The following DEPDC1B variants were observed in gnomAD, a reference collection of about 807,000 sequenced individuals.
DEPDC1B encodes the protein DEP domain containing 1B, also known as DEP domain-containing protein 1B.
DEPDC1B carries 51 observed loss-of-function variants against 66.5 expected under a neutral mutation model. The observed-to-expected ratio is 0.77, with a 90% CI of 0.61 to 0.97. The LOEUF (loss-of-function observed/expected upper bound fraction) is 0.97. DEPDC1B is among the 50% of genes least tolerant of loss of function. DEPDC1B has a pLI of 0.00. For missense variants in DEPDC1B, 552 were observed against 637.1 expected (o/e 0.87, Z 1.44); for synonymous variants, 226 against 223.6 (o/e 1.01, Z -0.10).
intron 7 of DEPDC1B, among the ~76,000 whole-genome samples, chr5:60,615,792 T>C (rs549441388): frequency 2.0e-5 from 3 of 152,024 alleles, no homozygotes; most frequent in South Asian, 2.1e-4. Context: ...TTGAAGAGAG[T>C]AGTGGTTCTC....
intron 2 of DEPDC1B, among the ~76,000 whole-genome samples, chr5:60,652,602 TTTTA>T (rs771729935): frequency 1.3e-5 from 2 of 148,982 alleles, no homozygotes; most frequent in Admixed American, 6.7e-5. Context: ...GTAGAATCCT[TTTTA>T]TTTATTTATT....
rs540442118 is a variant in DEPDC1B at position 60,669,778 on chromosome 5, T to C, written c.314+17184A>G. Among the ~76,000 whole-genome samples the C allele has an allele frequency of 3.3e-5, 5 of 152,242 alleles. No individual in the cohort carries two copies. In the South Asian group the frequency reaches 1.0e-3, roughly 32 times the overall value. On this transcript the variant is annotated intron_variant, in intron 2 of 10. Coordinates refer to ENST00000265036, the MANE Select transcript of DEPDC1B (RefSeq NM_018369.3). Reference sequence around the variant, plus strand: ...TAAAGATTCCATTGTAAGTAAAGGATCAAGTGAGCATTTTTAAGGAGAGAG... The same window carrying C: ...TAAAGATTCCATTGTAAGTAAAGGACCAAGTGAGCATTTTTAAGGAGAGAG...
chr5:60,683,461 A>G (rs536941807), intron 2 of DEPDC1B, among the ~76,000 whole-genome samples: 7 of 152,242 alleles, frequency 4.6e-5, no homozygotes, highest in African/African-American at 1.7e-4. Flanking sequence ...AGTGAAAGAA[A>G]TAAAGATTTA....
At position 60,633,493 on chromosome 5, in the gene DEPDC1B, A is replaced by C. The variant is rs906506609; in HGVS notation, c.898+5257T>G. 4.6e-5 allele frequency among the ~76,000 whole-genome samples: 7 copies of C among 152,334 alleles called. No homozygotes were observed. In the East Asian group the frequency reaches 1.2e-3, roughly 25 times the overall value. On this transcript the variant is annotated intron_variant, in intron 7 of 10. Coordinates refer to ENST00000265036, the MANE Select transcript of DEPDC1B (RefSeq NM_018369.3). Reference sequence around the variant, plus strand: ...AGAGTAGCTGTAGGCAAGTACTCCAATAGAAGCTCTGCCTTCACCGTGAGA... The same window carrying C: ...AGAGTAGCTGTAGGCAAGTACTCCACTAGAAGCTCTGCCTTCACCGTGAGA...
chr5:60,597,687 CT>C lies in DEPDC1B; in HGVS notation c.*65del, dbSNP rs1752122991. 3 of 1,516,854 alleles carry C rather than the reference CT, an allele frequency of 2.0e-6. No homozygotes were observed. Among genetic ancestry groups the C allele is most frequent in the Non-Finnish European group, 2.7e-6 (3 of 1,127,906 alleles). 94.0% of individuals were successfully genotyped at this position (1,516,854 alleles called of 1,614,324 possible). ...TCTTTCTTCCACCACCAAAGTCTTT[CT>C]CCTAACCACCATTCACTCAAAACAA... On this transcript the variant is annotated 3_prime_UTR_variant, in exon 11 of 11. Coordinates refer to ENST00000265036, the MANE Select transcript of DEPDC1B (RefSeq NM_018369.3).
intron 7 of DEPDC1B, among the ~76,000 whole-genome samples, chr5:60,634,613 A>C (rs1440134419): frequency 6.6e-6 from 1 of 151,670 alleles, no homozygotes; most frequent in African/African-American, 2.4e-5. Flanking sequence ...GGGAGCTTGC[A>C]GTGAGCCGAG....
chr5:60,616,595 T>C (rs978547761), intron 7 of DEPDC1B, among the ~76,000 whole-genome samples: 15 of 152,090 alleles, frequency 9.9e-5, no homozygotes, highest in African/African-American at 3.1e-4. Context: ...GAAAAAAGAA[T>C]AAAAAGAAAC....
At chr5:60,654,669 T>C (rs1362037446) in intron 2 of DEPDC1B, among the ~76,000 whole-genome samples, 1 of 148,882 alleles carries the variant, frequency 6.7e-6, no homozygotes, top group Non-Finnish European at 1.5e-5. Context: ...CTATGTTGAA[T>C]AGAAGTGGTG....
chr5:60,618,906 C>T lies in DEPDC1B; in HGVS notation c.899-13050G>A, dbSNP rs536082499. Among the ~76,000 whole-genome samples, 19 of 152,254 alleles carry T rather than the reference C, an allele frequency of 1.2e-4. No individual in the cohort carries two copies. In the South Asian group the frequency reaches 3.3e-3, roughly 27 times the overall value. On this transcript the variant is annotated intron_variant, in intron 7 of 10. Transcript: ENST00000265036. Reference sequence around the variant, plus strand: ...AATCCTCAATAAAGTACTGGCAAACCGAATCCAGCAGCACATCAAAAAGCT... The same window carrying T: ...AATCCTCAATAAAGTACTGGCAAACTGAATCCAGCAGCACATCAAAAAGCT...
chr5:60,637,048 C>T (rs1449944352), intron 7 of DEPDC1B, among the ~76,000 whole-genome samples: 1 of 152,112 alleles, frequency 6.6e-6, no homozygotes, highest in African/African-American at 2.4e-5. Flanking sequence ...GATACTTTTA[C>T]TATAGAACAT....
At chr5:60,667,036 T>C (rs964032582) in intron 2 of DEPDC1B, among the ~76,000 whole-genome samples, 2 of 152,148 alleles carry the variant, frequency 1.3e-5, no homozygotes, top group Non-Finnish European at 2.9e-5. Context: ...TTGGGGTAGA[T>C]TGTTTCTCAG....
chr5:60,632,027 T>C (rs1752936081), intron 7 of DEPDC1B, among the ~76,000 whole-genome samples: 1 of 152,218 alleles, frequency 6.6e-6, no homozygotes, highest in Non-Finnish European at 1.5e-5. Context: ...CTGATGAGGA[T>C]GAAGAGACAC....
chr5:60,694,861 CT>C (rs1235367035), intron 1 of DEPDC1B, among the ~76,000 whole-genome samples: 1 of 152,016 alleles, frequency 6.6e-6, no homozygotes, highest in Non-Finnish European at 1.5e-5. Flanking sequence ...AATATTAAAC[CT>C]TTTTGTTATA....
chr5:60,646,629 TA>T (rs1753322465), intron 3 of DEPDC1B, among the ~76,000 whole-genome samples: 1 of 152,214 alleles, frequency 6.6e-6, no homozygotes, highest in Non-Finnish European at 1.5e-5. Flanking sequence ...TTCTTCTTGT[TA>T]TTCCCTGAAC....
At chr5:60,688,550 C>T (rs1433985121) in intron 1 of DEPDC1B, among the ~76,000 whole-genome samples, 1 of 152,152 alleles carries the variant, frequency 6.6e-6, no homozygotes, top group African/African-American at 2.4e-5. Context: ...GTGTCTGTCA[C>T]GAAAGAAGTG....
intron 2 of DEPDC1B, among the ~76,000 whole-genome samples, chr5:60,670,979 A>T (rs1754022253): frequency 6.6e-6 from 1 of 151,280 alleles, no homozygotes; most frequent in Admixed American, 6.6e-5. Context: ...CACCTGTGGC[A>T]CTTCCTGGAG....
At chr5:60,673,604 C>T (rs553387883) in intron 2 of DEPDC1B, among the ~76,000 whole-genome samples, 1 of 152,298 alleles carries the variant, frequency 6.6e-6, no homozygotes, top group East Asian at 1.9e-4. Flanking sequence ...GTGGGCCTCT[C>T]CCATTCCTAG....
chr5:60,656,073 A>G lies in DEPDC1B; in HGVS notation c.315-8540T>C, dbSNP rs189873840. Among the ~76,000 whole-genome samples the G allele has an allele frequency of 1.8e-3, 270 of 152,156 alleles. 2 individuals carry two copies. Among genetic ancestry groups the G allele is most frequent in the Non-Finnish European group, 2.9e-3 (196 of 68,018 alleles). On this transcript the variant is annotated intron_variant, in intron 2 of 10. Coordinates refer to ENST00000265036, the MANE Select transcript of DEPDC1B (RefSeq NM_018369.3). ...TTGGAGAATGTTCCATGTGCTGATG[A>G]ATAGAATGTATATTCTGCACTCACT...
intron 7 of DEPDC1B, among the ~76,000 whole-genome samples, chr5:60,606,929 G>GTCTT (rs2111722697): frequency 6.6e-6 from 1 of 152,208 alleles, no homozygotes; most frequent in Admixed American, 6.5e-5. Context: ...GTTACCACTA[G>GTCTT]TCTTTGGAAG....
Sources: allele counts gnomAD v4.1 joint callset (sites outside exome capture counted in the v4.1 genomes callset), GRCh38; gene constraint gnomAD v4.1.1; transcripts MANE v1.5; gene names NCBI Gene and HGNC (gene_info 2026-07-23, HGNC 2026-07-21).